Variants in ETFA observed in about 807,000 individuals in gnomAD.
ETFA encodes electron transfer flavoprotein subunit alpha, mitochondrial.
A neutral mutation model predicts 46.2 loss-of-function variants in ETFA; 22 were observed. The ratio of observed to expected loss-of-function variants is 0.48; its 90% CI spans 0.34 to 0.68. The LOEUF (loss-of-function observed/expected upper bound fraction) is 0.68. Among genes scored for constraint, ETFA ranks in the 30% least tolerant of loss-of-function variants. The pLI is 0.01. For synonymous variants in ETFA, 131 were observed against 139.9 expected, an observed-to-expected ratio of 0.94 and a Z score of 0.45; for missense variants, 345 against 401.1, an observed-to-expected ratio of 0.86 and a Z score of 1.19.
At chr15:76,302,593 G>A (rs963802511) in intron 1 of ETFA, among the ~76,000 whole-genome samples, 1 of 152,098 alleles carries the variant, frequency 6.6e-6, no homozygotes, top group Non-Finnish European at 1.5e-5. Context: ...ATATAATAAT[G>A]GTAGATACCT....
At chr15:76,254,773 A>G (rs2039333320) in intron 9 of ETFA, among the ~76,000 whole-genome samples, 1 of 152,182 alleles carries the variant, frequency 6.6e-6, no homozygotes, top group African/African-American at 2.4e-5. Context: ...AAGGTAGTTG[A>G]TTTTAGGTAT....
chr15:76,227,657 G>C (rs1020672371), intron 10 of ETFA: 8 of 371,988 alleles, frequency 2.2e-5, no homozygotes, highest in African/African-American at 1.5e-4. Context: ...TATTTTAATA[G>C]ATTGTGGACT....
chr15:76,234,979 G>A (rs1267323449), intron 9 of ETFA, among the ~76,000 whole-genome samples: 2 of 152,106 alleles, frequency 1.3e-5, no homozygotes, highest in African/African-American at 2.4e-5. Flanking sequence ...CATCTGATGC[G>A]GTTTAACAGG....
At chr15:76,278,172 A>G (rs967542424) in intron 8 of ETFA, among the ~76,000 whole-genome samples, 1 of 152,128 alleles carries the variant, frequency 6.6e-6, no homozygotes, top group Non-Finnish European at 1.5e-5. Flanking sequence ...TCCTCCAGTG[A>G]GCTTGCCCAC....
intron 1 of ETFA, among the ~76,000 whole-genome samples, chr15:76,306,692 T>A (rs753647157): frequency 2.8e-4 from 42 of 152,344 alleles, no homozygotes; most frequent in Non-Finnish European, 4.7e-4. Flanking sequence ...TTGTAATTTT[T>A]AAAATGTATA....
chr15:76,311,359 G>A lies in ETFA; in HGVS notation c.30C>T (p.Leu10=), dbSNP rs1042921735. The change falls in exon 1 of 12, where the codon CTC becomes CTT. Residue 10 remains leucine, a synonymous_variant. Transcript: ENST00000557943. MFRAAAPGQ[L]RRAASLLRFQ... is the part of the protein sequence containing the mutation. ...CCCAGTCCGGACTCACCGCCCGCCG[G>A]AGCTGCCCCGGAGCCGCCGCTCGGA... 3 of 1,560,044 alleles carry A rather than the reference G, an allele frequency of 1.9e-6. No homozygotes were observed. Among genetic ancestry groups the A allele is most frequent in the Non-Finnish European group, 2.6e-6 (3 of 1,152,768 alleles).
rs79171859 is a variant in ETFA, at chr15:76,265,593, T to C, written c.816+8819A>G. 2.2e-3 allele frequency among the ~76,000 whole-genome samples: 340 copies of C among 152,332 alleles called. 5 individuals are homozygous for C. In the East Asian group the frequency reaches 0.037, roughly 17 times the overall value. ...AGACAAAAGACTTCCACGGGTATCG[T>C]TGGCGTAGGGACTGCCTCAGAAGTT... On this transcript the variant is annotated intron_variant, in intron 9 of 11. Transcript: ENST00000557943.
intron 9 of ETFA, among the ~76,000 whole-genome samples, chr15:76,272,474 C>T (rs1400831502): frequency 2.0e-5 from 3 of 152,132 alleles, no homozygotes; most frequent in Non-Finnish European, 4.4e-5. Flanking sequence ...ACTGCCTCAG[C>T]CTCCCAAAGT....
chr15:76,307,772 C>A (rs1401502709), intron 1 of ETFA, among the ~76,000 whole-genome samples: 1 of 152,120 alleles, frequency 6.6e-6, no homozygotes, highest in Non-Finnish European at 1.5e-5. Flanking sequence ...GTGTCAGCCA[C>A]CATGGTTGGC....
intron 9 of ETFA, among the ~76,000 whole-genome samples, chr15:76,253,459 G>A (rs2039320387): frequency 6.6e-6 from 1 of 152,086 alleles, no homozygotes; most frequent in African/African-American, 2.4e-5. Flanking sequence ...AGAAAGAGCA[G>A]TGCTGATGAT....
intron 9 of ETFA, among the ~76,000 whole-genome samples, chr15:76,266,372 C>T (rs748363906): frequency 6.6e-5 from 10 of 152,140 alleles, no homozygotes; most frequent in Non-Finnish European, 8.8e-5. Context: ...GACTATTTGT[C>T]AAACTTATGT....
chr15:76,237,059 CTGAT>C (rs1213652249), intron 9 of ETFA, among the ~76,000 whole-genome samples: 5 of 152,142 alleles, frequency 3.3e-5, no homozygotes, highest in African/African-American at 9.7e-5. Flanking sequence ...TTTAGAAAGA[CTGAT>C]TGATTTTGAG....
chr15:76,296,205 C>A (rs2039821580), intron 1 of ETFA, among the ~76,000 whole-genome samples: 1 of 151,908 alleles, frequency 6.6e-6, no homozygotes, highest in African/African-American at 2.4e-5. Context: ...GCCTCGGCCT[C>A]CAAAGTGCTG....
rs2039775189 is a variant in ETFA at position 76,292,476 on chromosome 15, C to G, written c.306G>C (p.Gln102His). The change falls in exon 4 of 12, where the codon CAG becomes CAC. Residue 102 changes from glutamine (Q) to histidine (H), a missense_variant. By Grantham distance (24) the Gln-to-His change is conservative. Coordinates refer to ENST00000557943, the MANE Select transcript of ETFA (RefSeq NM_000126.4). ...CAGCACAGATGTGTGTGTAATTGAA[C>G]TGCTTCTGAGTTGCCAAAATCAATG... Reference protein sequence around the residue: ...LTPLILATQKQFNYTHICAGA... With the variant: ...LTPLILATQKHFNYTHICAGA... The G allele has an allele frequency of 6.2e-7, 1 of 1,613,880 alleles. No homozygotes were observed. Among genetic ancestry groups the G allele is most frequent in the African/African-American group, 1.3e-5 (1 of 74,924 alleles).
intron 1 of ETFA, among the ~76,000 whole-genome samples, chr15:76,298,838 T>C (rs2039853332): frequency 6.6e-6 from 1 of 152,122 alleles, no homozygotes; most frequent in Non-Finnish European, 1.5e-5. Context: ...CTTTTCCTGC[T>C]CTAAAAATTC....
chr15:76,263,678 G>A (rs2039442051), intron 9 of ETFA, among the ~76,000 whole-genome samples: 1 of 152,140 alleles, frequency 6.6e-6, no homozygotes, highest in African/African-American at 2.4e-5. Context: ...TATAAAGACA[G>A]AGCAAAAATT....
At chr15:76,227,186 C>A (rs1332412470) in intron 10 of ETFA, among the ~76,000 whole-genome samples, 1 of 151,924 alleles carries the variant, frequency 6.6e-6, no homozygotes, top group Non-Finnish European at 1.5e-5. Flanking sequence ...TCACTTCAGC[C>A]CAGGCGTTCA....
intron 4 of ETFA, among the ~76,000 whole-genome samples, chr15:76,291,658 G>C (rs971445367): frequency 7.9e-5 from 12 of 151,984 alleles, no homozygotes; most frequent in Admixed American, 1.3e-4. Flanking sequence ...GCTGAGGCAG[G>C]AGAATGGCGT....
At position 76,281,926 on chromosome 15, in the gene ETFA, C is replaced by T. The variant is rs371883118; in HGVS notation, c.733+1831G>A. 3.5e-3 allele frequency among the ~76,000 whole-genome samples: 376 copies of T among 106,206 alleles called. 1 individual carries two copies. The highest frequency in any genetic ancestry group is 0.013 in the African/African-American group (353 of 27,878). The allele number at this position is 106,206 out of a possible 152,430, so 69.7% of individuals were successfully genotyped here. ...TTTTTTTTTTTTTTTTTTTTCCAGACGGCATCTCACTCTGTTACCCAGGCT... is the reference window on the plus strand; with the variant it reads ...TTTTTTTTTTTTTTTTTTTTCCAGATGGCATCTCACTCTGTTACCCAGGCT... On this transcript the variant is annotated intron_variant, in intron 8 of 11. Transcript: ENST00000557943.
Sources: allele counts gnomAD v4.1 joint callset (sites outside exome capture counted in the v4.1 genomes callset), GRCh38; gene constraint gnomAD v4.1.1; transcripts MANE v1.5; gene names NCBI Gene and HGNC (gene_info 2026-07-23, HGNC 2026-07-21).